The following FBLIM1 variants were observed in gnomAD, a reference collection of about 807,000 sequenced individuals.
FBLIM1 encodes the protein filamin binding LIM protein 1, also known as filamin-binding LIM protein 1.
Under a neutral mutation model 37.4 loss-of-function variants are expected in FBLIM1, and 29 were observed. The observed-to-expected ratio is 0.77, with a 90% CI of 0.58 to 1.06. The LOEUF is 1.06. Ranked by LOEUF, FBLIM1 falls within the 50% of genes least tolerant of loss-of-function variation. FBLIM1 has a pLI of 0.00. For missense variants in FBLIM1, 449 were observed against 505.6 expected, an observed-to-expected ratio of 0.89 and a Z score of 1.07; for synonymous variants, 193 against 199.0, an observed-to-expected ratio of 0.97 and a Z score of 0.25.
intron 8 of FBLIM1, 59 bp from the exon 9 acceptor site, chr1:15,784,489 C>T (rs957141049): frequency 7.2e-7 from 1 of 1,390,808 alleles, no homozygotes; most frequent in Admixed American, 1.8e-5. Context: ...GTGAGTCCCT[C>T]CCCTGTGCAG....
At chr1:15,761,631 ACAT>A (rs1298178099) in intron 1 of FBLIM1, among the ~76,000 whole-genome samples, 1 of 152,224 alleles carries the variant, frequency 6.6e-6, no homozygotes, top group Non-Finnish European at 1.5e-5. Flanking sequence ...GTACTTCCAG[ACAT>A]CATTTCCAAA....
rs2068846417 is a variant in FBLIM1 at position 15,764,982 on chromosome 1, C to CCATGGCCT, written c.2_9dup. 1 of 1,611,338 alleles carries CCATGGCCT rather than the reference C, an allele frequency of 6.2e-7. No individual in the cohort carries two copies. The stretch of plus-strand genomic sequence containing the variant: ...TCCCTAGCCACACCAGGAGCTGAAG[C>CCATGGCCT]CATGGCCTCAAAGCCTGAGAAGAGG... On this transcript the variant is annotated 5_prime_UTR_variant, in exon 3 of 9. The change creates a new upstream start codon in the 5' untranslated region. Transcript: ENST00000375766.
At chr1:15,772,976 G>A (rs1219083222) in intron 6 of FBLIM1, among the ~76,000 whole-genome samples, 1 of 151,826 alleles carries the variant, frequency 6.6e-6, no homozygotes, top group African/African-American at 2.4e-5. Context: ...GTAGAGACGG[G>A]GGTTTCACCA....
upstream of FBLIM1, among the ~76,000 whole-genome samples, chr1:15,757,366 T>C (rs1236970447): frequency 6.6e-6 from 1 of 152,174 alleles, no homozygotes; most frequent in Non-Finnish European, 1.5e-5. This position sits in a 1 kb window ranked among gnomAD's most constrained non-coding sequence, Gnocchi z 4.1. Flanking sequence ...TCCTTGACCG[T>C]GAACAGGAAT....
At position 15,765,848 on chromosome 1, in the gene FBLIM1, G is replaced by A. The variant is rs1003913461; in HGVS notation, c.250+615G>A. 2.0e-5 allele frequency among the ~76,000 whole-genome samples: 3 copies of A among 152,114 alleles called. No homozygotes were observed. Among genetic ancestry groups the A allele is most frequent in the Admixed American group, 6.5e-5 (1 of 15,270 alleles). Reference sequence around the variant, plus strand: ...CTGCTTCTCTCTTGAATTCCTGCCCGCCCATCATAGCCTATGGGCCCTGCA... The same window carrying A: ...CTGCTTCTCTCTTGAATTCCTGCCCACCCATCATAGCCTATGGGCCCTGCA... On this transcript the variant is annotated intron_variant, in intron 3 of 8. Transcript: ENST00000375766. This position sits in a 1 kb window ranked among gnomAD's most constrained non-coding sequence, Gnocchi z 5.9.
intron 8 of FBLIM1, among the ~76,000 whole-genome samples, chr1:15,782,268 C>T (rs867093242): frequency 1.3e-5 from 2 of 151,618 alleles, no homozygotes; most frequent in African/African-American, 4.8e-5. Flanking sequence ...ATTAGCCAGG[C>T]ATGGTGGTAC....
rs1359476216 is a variant in FBLIM1, at chr1:15,785,955, C to G, written c.*1294C>G. 1 of 152,272 alleles carries G rather than the reference C, an allele frequency of 6.6e-6. No homozygotes were observed. Among genetic ancestry groups the G allele is most frequent in the Admixed American group, 6.5e-5 (1 of 15,270 alleles). The allele number at this position is 152,272 out of a possible 1,614,324, so 9.4% of individuals were successfully genotyped here. ...GTGAGAGCCTGGTATATGCTGGGAA[C>G]AGGGTGCAGGGGCCAAGCGTTCCTC... On this transcript the variant is annotated 3_prime_UTR_variant, in exon 9 of 9. Coordinates refer to ENST00000375766, the MANE Select transcript of FBLIM1 (RefSeq NM_017556.4).
intron 8 of FBLIM1, among the ~76,000 whole-genome samples, chr1:15,783,569 CTTTTTTTTTTTTTT>C (rs58141962): frequency 1.2e-5 from 1 of 81,258 alleles, no homozygotes; most frequent in African/African-American, 4.9e-5. Flanking sequence ...AACTTACGTT[CTTTTTTTTTTTTTT>C]TTTTTTTTTT....
upstream of FBLIM1, among the ~76,000 whole-genome samples, chr1:15,757,096 T>C (rs1274936601): frequency 6.6e-6 from 1 of 152,120 alleles, no homozygotes; most frequent in Non-Finnish European, 1.5e-5. The surrounding 1 kb of genome is among the most constrained non-coding windows in gnomAD (Gnocchi z 4.1). Flanking sequence ...AGCTGGAGTT[T>C]TGGGGGGCAG....
At chr1:15,762,399 A>C (rs750413294) in intron 1 of FBLIM1, among the ~76,000 whole-genome samples, 15 of 151,778 alleles carry the variant, frequency 9.9e-5, no homozygotes, top group African/African-American at 3.6e-4. Context: ...AGTAGCTGAG[A>C]TAACAGGCGT....
At chr1:15,766,757 C>T (rs766508508) in intron 3 of FBLIM1, among the ~76,000 whole-genome samples, 2 of 151,398 alleles carry the variant, frequency 1.3e-5, no homozygotes, top group African/African-American at 4.9e-5. Context: ...CCACGCCCAG[C>T]TAATTTTGTG....
chr1:15,779,376 C>T (rs2069578734), intron 8 of FBLIM1, among the ~76,000 whole-genome samples: 2 of 152,166 alleles, frequency 1.3e-5, no homozygotes, highest in African/African-American at 2.4e-5. Flanking sequence ...GCGATCTCAG[C>T]TCACTGCAAC....
chr1:15,777,073 CAGG>C, intron 7 of FBLIM1, 94 bp from the exon 8 acceptor site: 1 of 898,234 alleles, frequency 1.1e-6, no homozygotes, highest in Non-Finnish European at 1.8e-6. Context: ...TGAAATTGCT[CAGG>C]AGGTGAACAC....
In FBLIM1 at chr1:15,784,864, G is replaced by A; in HGVS notation, c.*203G>A. On this transcript the variant is annotated 3_prime_UTR_variant, in exon 9 of 9. Coordinates refer to ENST00000375766, the MANE Select transcript of FBLIM1 (RefSeq NM_017556.4). ...TCCTCTACCCTCTGGGCACCAGAAGGCTCCTGGACCATGAGCTTCACCCCC... is the reference window on the plus strand; with the variant it reads ...TCCTCTACCCTCTGGGCACCAGAAGACTCCTGGACCATGAGCTTCACCCCC... 2.3e-6 allele frequency: 1 copy of A among 442,550 alleles called. No homozygotes were observed. Among genetic ancestry groups the A allele is most frequent in the Non-Finnish European group, 4.1e-6 (1 of 244,310 alleles). The allele number at this position is 442,550 out of a possible 1,614,324, so 27.4% of individuals were successfully genotyped here.
chr1:15,781,791 T>A (rs571806416), intron 8 of FBLIM1, among the ~76,000 whole-genome samples: 71 of 143,540 alleles, frequency 4.9e-4, no homozygotes, highest in African/African-American at 1.7e-3. Flanking sequence ...CAATCTCGGC[T>A]CACTGCAAGC....
chr1:15,776,078 G>A (rs554165691), intron 7 of FBLIM1, among the ~76,000 whole-genome samples: 5 of 152,220 alleles, frequency 3.3e-5, no homozygotes, highest in African/African-American at 1.2e-4. Context: ...CAAGTGCTAT[G>A]GGAGTGATGA....
intron 7 of FBLIM1, 86 bp from the exon 8 acceptor site, chr1:15,777,084 C>T (rs1467030841): frequency 9.2e-7 from 1 of 1,083,664 alleles, no homozygotes; most frequent in East Asian, 2.4e-5. Flanking sequence ...AGGAGGTGAA[C>T]ACCAGCCAGC....
intron 7 of FBLIM1, chr1:15,776,963 T>A: frequency 1.2e-5 from 5 of 422,628 alleles, no homozygotes; most frequent in East Asian, 4.1e-5. Context: ...ATTCAGACAA[T>A]CTCCAGTGAC....
At chr1:15,778,015 G>A (rs2069543782) in intron 8 of FBLIM1, among the ~76,000 whole-genome samples, 2 of 152,140 alleles carry the variant, frequency 1.3e-5, no homozygotes, top group African/African-American at 2.4e-5. Context: ...AGAAACCCTA[G>A]GGGAAAGAGA....
Sources: gnomAD v4.1 joint callset for allele counts (sites outside exome capture counted in the v4.1 genomes callset) on GRCh38, gnomAD v4.1.1 for gene constraint, Gnocchi (gnomAD v3.1) non-coding constraint, MANE v1.5 for transcripts, NCBI Gene and HGNC (gene_info 2026-07-23, HGNC 2026-07-21) for gene names.